The following FHIT variants were observed in gnomAD, a reference collection of about 807,000 sequenced individuals.
The protein encoded by FHIT is fragile histidine triad diadenosine triphosphatase, also known as bis(5'-adenosyl)-triphosphatase.
In FHIT, 19 loss-of-function variants were observed where a neutral mutation model predicts 17.9. The observed-to-expected ratio is 1.06, with a 90% CI of 0.74 to 1.56. The LOEUF (loss-of-function observed/expected upper bound fraction) is 1.56, where lower values mean the gene tolerates loss of function less well. Among genes scored for constraint, FHIT ranks in the 40% most tolerant of loss-of-function variants. FHIT has a pLI of 0.00. For missense variants in FHIT, 248 were observed against 189.2 expected, an observed-to-expected ratio of 1.31 and a Z score of -1.82; for synonymous variants, 81 against 69.7, an observed-to-expected ratio of 1.16 and a Z score of -0.81.
intron 5 of FHIT, among the ~76,000 whole-genome samples, chr3:60,369,417 T>G (rs919089192): frequency 3.9e-5 from 6 of 152,242 alleles, no homozygotes; most frequent in African/African-American, 9.6e-5. Flanking sequence ...AATATCTTGG[T>G]CATCTTCCAT....
At chr3:60,810,814 A>G (rs1412582309) in intron 4 of FHIT, among the ~76,000 whole-genome samples, 1 of 152,228 alleles carries the variant, frequency 6.6e-6, no homozygotes, top group African/African-American at 2.4e-5. Context: ...TTCACAGTAC[A>G]TGAATTCTAA....
intron 4 of FHIT, among the ~76,000 whole-genome samples, chr3:60,817,187 G>T (rs1227979758): frequency 2.0e-5 from 3 of 151,852 alleles, no homozygotes; most frequent in African/African-American, 7.3e-5. Context: ...AAAGTCATAT[G>T]GATTACATCT....
Position 59,752,201 on chromosome 3 carries a change from T to C in FHIT, c.*5+20A>G. The C allele has an allele frequency of 6.4e-7, 1 of 1,572,040 alleles. No homozygotes were observed. The highest frequency in any genetic ancestry group is 8.7e-7 in the Non-Finnish European group (1 of 1,144,720). On this transcript the variant is annotated intron_variant, in intron 9 of 9. Coordinates refer to ENST00000492590, the MANE Select transcript of FHIT (RefSeq NM_002012.4). ...GAGGCCCACGGGAGGGTCTGGGTAA[T>C]GACGAAATGCAGTCTTTACCTGTGT...
At chr3:60,514,559 C>T (rs573660896) in intron 5 of FHIT, among the ~76,000 whole-genome samples, 19 of 152,242 alleles carry the variant, frequency 1.2e-4, no homozygotes, top group African/African-American at 3.1e-4. Context: ...CACCAGGTGA[C>T]GGGTTGGTAG....
chr3:60,530,107 G>T (rs1312719338), intron 5 of FHIT, among the ~76,000 whole-genome samples: 1 of 152,192 alleles, frequency 6.6e-6, no homozygotes, highest in Non-Finnish European at 1.5e-5. Context: ...TCTGGGGCTA[G>T]AAGGTAAAAC....
At chr3:60,240,339 T>C (rs915537796) in intron 5 of FHIT, among the ~76,000 whole-genome samples, 3 of 152,232 alleles carry the variant, frequency 2.0e-5, no homozygotes, top group African/African-American at 7.2e-5. Context: ...TATGTAGCTA[T>C]TAAGCTACAG....
intron 4 of FHIT, among the ~76,000 whole-genome samples, chr3:60,788,582 G>T (rs1700663010): frequency 6.6e-6 from 1 of 152,072 alleles, no homozygotes; most frequent in Admixed American, 6.6e-5. Context: ...TGGATACTAG[G>T]GGCTGAGGGT....
At chr3:59,961,772 G>A (rs1260968608) in intron 7 of FHIT, among the ~76,000 whole-genome samples, 1 of 152,210 alleles carries the variant, frequency 6.6e-6, no homozygotes, top group Admixed American at 6.5e-5. Context: ...AGTGAGATGA[G>A]CCAGGTACCT....
At chr3:60,836,459 G>C (rs73111752) in intron 3 of FHIT, among the ~76,000 whole-genome samples, 16,110 of 152,076 alleles carry the variant, frequency 0.11, 1,298 homozygotes, top group African/African-American at 0.22. Context: ...ATAGTTATGG[G>C]CTTTTAAATA....
chr3:61,157,417 A>C (rs2037563840), intron 2 of FHIT, among the ~76,000 whole-genome samples: 1 of 152,112 alleles, frequency 6.6e-6, no homozygotes, highest in African/African-American at 2.4e-5. Context: ...CATATGTCAA[A>C]CTCCATCAGT....
intron 5 of FHIT, among the ~76,000 whole-genome samples, chr3:60,147,458 C>T (rs1328064755): frequency 2.0e-5 from 3 of 152,188 alleles, no homozygotes; most frequent in Non-Finnish European, 4.4e-5. Flanking sequence ...GTAAAGGATG[C>T]AGTGCCTTTG....
intron 3 of FHIT, among the ~76,000 whole-genome samples, chr3:60,981,688 A>T (rs1286562519): frequency 6.6e-6 from 1 of 151,888 alleles, no homozygotes; most frequent in Non-Finnish European, 1.5e-5. Flanking sequence ...AGCACACTGT[A>T]GCTTCAAACT....
chr3:61,046,765 C>A (rs2033808380), intron 2 of FHIT, among the ~76,000 whole-genome samples: 1 of 152,166 alleles, frequency 6.6e-6, no homozygotes, highest in South Asian at 2.1e-4. Context: ...CAAACTGAAT[C>A]CAGCAGCACA....
chr3:60,319,154 C>A (rs575304078), intron 5 of FHIT, among the ~76,000 whole-genome samples: 11 of 152,252 alleles, frequency 7.2e-5, no homozygotes, highest in African/African-American at 2.4e-4. Flanking sequence ...AGGTAACATT[C>A]ACAGGTACCA....
chr3:61,235,444 G>A (rs888835642), intron 1 of FHIT, among the ~76,000 whole-genome samples: 4 of 152,058 alleles, frequency 2.6e-5, no homozygotes, highest in African/African-American at 9.7e-5. Context: ...AAAAAGTAAG[G>A]TCTCTTTTAA....
intron 5 of FHIT, among the ~76,000 whole-genome samples, chr3:60,133,832 T>C (rs1476239246): frequency 6.6e-6 from 1 of 150,776 alleles, no homozygotes; most frequent in Non-Finnish European, 1.5e-5. Flanking sequence ...AAATAGCATC[T>C]AAAATAAAGA....
At chr3:60,276,939 C>T (rs1252880483) in intron 5 of FHIT, among the ~76,000 whole-genome samples, 1 of 152,126 alleles carries the variant, frequency 6.6e-6, no homozygotes, top group Non-Finnish European at 1.5e-5. Flanking sequence ...GGAATCCACC[C>T]TCATGTCCCA....
chr3:60,344,558 C>A (rs571320503), intron 5 of FHIT, among the ~76,000 whole-genome samples: 99 of 152,194 alleles, frequency 6.5e-4, no homozygotes, highest in Non-Finnish European at 1.2e-3. Context: ...AGATTATGCT[C>A]TCTCTTGAGG....
At chr3:60,402,289 G>C (rs986181407) in intron 5 of FHIT, among the ~76,000 whole-genome samples, 1 of 152,162 alleles carries the variant, frequency 6.6e-6, no homozygotes, top group African/African-American at 2.4e-5. Context: ...AAAACAGGGA[G>C]CAAGTTTTCC....
Sources: allele counts gnomAD v4.1 joint callset (sites outside exome capture counted in the v4.1 genomes callset), GRCh38; gene constraint gnomAD v4.1.1; transcripts MANE v1.5; gene names NCBI Gene and HGNC (gene_info 2026-07-23, HGNC 2026-07-21).